Variants in CPNE8 observed in about 807,000 individuals in gnomAD.
CPNE8 encodes copine-8.
CPNE8 carries 45 observed loss-of-function variants against 81.5 expected under a neutral mutation model. That is an observed-to-expected ratio of 0.55 (90% CI 0.44 to 0.71). The LOEUF is 0.71. CPNE8 is among the 30% of genes least tolerant of loss of function. The pLI is 0.00. For missense variants in CPNE8, 594 were observed against 672.1 expected (o/e 0.88, Z 1.28); for synonymous variants, 252 against 226.3 (o/e 1.11, Z -1.02).
At chr12:38,724,471 G>T (rs745724917) in intron 12 of CPNE8, among the ~76,000 whole-genome samples, 6 of 152,068 alleles carry the variant, frequency 3.9e-5, no homozygotes, top group Non-Finnish European at 7.4e-5. Flanking sequence ...CACGAAACGA[G>T]TCTTACTTAT....
At chr12:38,789,798 C>G (rs80233489) in intron 6 of CPNE8, among the ~76,000 whole-genome samples, 3,567 of 151,648 alleles carry the variant, frequency 0.024, 66 homozygotes, top group Non-Finnish European at 0.037. Flanking sequence ...AGATCTGAAT[C>G]GACATTTCTC....
chr12:38,900,329 A>G (rs1050247952), intron 1 of CPNE8, among the ~76,000 whole-genome samples: 1 of 152,188 alleles, frequency 6.6e-6, no homozygotes, highest in African/African-American at 2.4e-5. Context: ...ATTTTGATTC[A>G]ATAGATCTGC....
In CPNE8 at chr12:38,667,844, C is replaced by A. The variant is rs1439125108; in HGVS notation, c.1506+2885G>T. On this transcript the variant is annotated intron_variant, in intron 19 of 19. Transcript: ENST00000331366. Reference sequence around the variant, plus strand: ...CGGAGTTTCGCTCTTGTTGTCCAGGCTGGAGTGCAATGGTATGATCTCGGC... The same window carrying A: ...CGGAGTTTCGCTCTTGTTGTCCAGGATGGAGTGCAATGGTATGATCTCGGC... Among the ~76,000 whole-genome samples, 6 of 151,846 alleles carry A rather than the reference C, an allele frequency of 4.0e-5. No homozygotes were observed. The East Asian group carries it at 9.7e-4, about 25-fold the overall frequency.
At chr12:38,695,292 C>A (rs186468557) in intron 14 of CPNE8, among the ~76,000 whole-genome samples, 280 of 152,292 alleles carry the variant, frequency 1.8e-3, no homozygotes, top group African/African-American at 6.5e-3. Flanking sequence ...AAAACAGCAG[C>A]CCTATCTTCC....
chr12:38,906,019 A>G, upstream of CPNE8: 2 of 990,214 alleles, frequency 2.0e-6, no homozygotes, highest in Non-Finnish European at 2.4e-6. Context: ...CCTTCTGTCA[A>G]TCAGGTGTGG....
At chr12:38,795,405 T>C (rs1333683976) in intron 6 of CPNE8, among the ~76,000 whole-genome samples, 1 of 152,174 alleles carries the variant, frequency 6.6e-6, no homozygotes, top group Non-Finnish European at 1.5e-5. Flanking sequence ...AGCAGGGTCT[T>C]GAAGAGATAT....
chr12:38,779,070 T>A (rs1941992620), intron 6 of CPNE8, among the ~76,000 whole-genome samples: 1 of 152,184 alleles, frequency 6.6e-6, no homozygotes, highest in Non-Finnish European at 1.5e-5. Flanking sequence ...TTTCTCTTCT[T>A]CTTTCTATTT....
intron 16 of CPNE8, among the ~76,000 whole-genome samples, chr12:38,681,925 TAA>T (rs1939416200): frequency 6.6e-6 from 1 of 152,186 alleles, no homozygotes; most frequent in African/African-American, 2.4e-5. Context: ...CATTATCATT[TAA>T]AAGAGTATTT....
At chr12:38,658,166 A>C (rs1938867715) in intron 19 of CPNE8, among the ~76,000 whole-genome samples, 1 of 152,166 alleles carries the variant, frequency 6.6e-6, no homozygotes, top group South Asian at 2.1e-4. Context: ...AGGTTAGACG[A>C]ATGACTAACT....
At chr12:38,868,782 A>G (rs981420340) in intron 3 of CPNE8, among the ~76,000 whole-genome samples, 1 of 152,168 alleles carries the variant, frequency 6.6e-6, no homozygotes, top group African/African-American at 2.4e-5. Context: ...CCAAATGAAA[A>G]TATTTTAAGA....
intron 1 of CPNE8, among the ~76,000 whole-genome samples, chr12:38,904,470 GT>G (rs11343890): frequency 0.4 from 48,076 of 120,062 alleles, 7,287 homozygotes; most frequent in Non-Finnish European, 0.44. Flanking sequence ...GTTTTTTTTT[GT>G]TTTTTTTTTT....
chr12:38,829,499 T>A, intron 5 of CPNE8, 44 bp from the exon 6 acceptor site: 3 of 1,331,512 alleles, frequency 2.3e-6, no homozygotes, highest in Non-Finnish European at 3.2e-6. Flanking sequence ...TTCCAAACTA[T>A]CTTTACAGTA....
intron 13 of CPNE8, among the ~76,000 whole-genome samples, chr12:38,716,089 G>A (rs976002525): frequency 6.6e-6 from 1 of 151,670 alleles, no homozygotes; most frequent in Non-Finnish European, 1.5e-5. Context: ...ATATGCTTCA[G>A]CAAGGAAGAA....
intron 6 of CPNE8, among the ~76,000 whole-genome samples, chr12:38,799,194 G>T (rs11503909): frequency 3.9e-5 from 6 of 151,924 alleles, no homozygotes; most frequent in South Asian, 2.1e-4. Context: ...CTGCACCAAG[G>T]GGACCTAATA....
intron 6 of CPNE8, among the ~76,000 whole-genome samples, chr12:38,802,796 T>C (rs1167641052): frequency 1.5e-5 from 2 of 137,102 alleles, no homozygotes; most frequent in African/African-American, 5.5e-5. Flanking sequence ...AAGAATCAAA[T>C]AGACACAATA....
At chr12:38,838,682 A>G (rs546987261) in intron 5 of CPNE8, among the ~76,000 whole-genome samples, 1 of 152,318 alleles carries the variant, frequency 6.6e-6, no homozygotes, top group South Asian at 2.1e-4. Flanking sequence ...GGAGAGCAAT[A>G]AGCTTGTTGC....
intron 13 of CPNE8, among the ~76,000 whole-genome samples, chr12:38,703,769 C>G (rs930300549): frequency 6.6e-6 from 1 of 152,056 alleles, no homozygotes; most frequent in African/African-American, 2.4e-5. Context: ...AAATCATGTA[C>G]AAAAATCAGT....
rs1592039780 is a variant in CPNE8 at position 38,724,303 on chromosome 12, C to T, written c.853-470G>A. Among the ~76,000 whole-genome samples, 6 of 152,152 alleles carry T rather than the reference C, an allele frequency of 3.9e-5. No individual in the cohort carries two copies. In the South Asian group the frequency reaches 8.3e-4, roughly 21 times the overall value. ...GGGAAAAGTTAGATTTTGCTACTCC[C>T]CAAAAAAGTTTACCTTAAGAAAAAA... On this transcript the variant is annotated intron_variant, in intron 12 of 19. Transcript: ENST00000331366.
chr12:38,696,330 T>C (rs1939796459), intron 14 of CPNE8, among the ~76,000 whole-genome samples: 2 of 152,004 alleles, frequency 1.3e-5, no homozygotes, highest in Middle Eastern at 3.4e-3. Flanking sequence ...CCAGCCCTTA[T>C]TGTCTTTTCT....
Sources: gnomAD v4.1 joint callset for allele counts (sites outside exome capture counted in the v4.1 genomes callset) on GRCh38, gnomAD v4.1.1 for gene constraint, MANE v1.5 for transcripts, NCBI Gene and HGNC (gene_info 2026-07-23, HGNC 2026-07-21) for gene names.